The following MCC variants were observed in gnomAD, a reference collection of about 807,000 sequenced individuals.
The protein encoded by MCC is colorectal mutant cancer protein.
Under a neutral mutation model 116.2 loss-of-function variants are expected in MCC, and 90 were observed. The observed-to-expected ratio is 0.77, with a 90% confidence interval of 0.65 to 0.92. The LOEUF is 0.92. MCC is among the 40% of genes least tolerant of loss of function. The pLI, the probability that MCC is intolerant of heterozygous loss-of-function variation, is 0.00. For missense variants in MCC, 1,516 were observed against 1,312.2 expected (o/e 1.16, Z -2.40); for synonymous variants, 578 against 510.5 (o/e 1.13, Z -1.78).
At chr5:113,277,698 G>C (rs1030138814) in intron 3 of MCC, among the ~76,000 whole-genome samples, 7 of 152,174 alleles carry the variant, frequency 4.6e-5, no homozygotes, top group Non-Finnish European at 8.8e-5. Context: ...CCTTTCATCT[G>C]CATTTGAGTA....
At position 113,053,745 on chromosome 5, in the gene MCC, G is replaced by A. The variant is rs1189166120; in HGVS notation, c.2428C>T (p.Gln810Ter). 6.2e-7 allele frequency: 1 copy of A among 1,611,548 alleles called. No individual in the cohort carries two copies. Among genetic ancestry groups the A allele is most frequent in the African/African-American group, 1.3e-5 (1 of 74,980 alleles). ...CATACCTTCATGGCCATGAGCTCCTGCATAAGCACTGCGTTTTCCAGATCC... is the reference window on the plus strand; with the variant it reads ...CATACCTTCATGGCCATGAGCTCCTACATAAGCACTGCGTTTTCCAGATCC... ...RLDLENAVLM[Q>*]ELMAMKEEMA... Residue 810 changes from glutamine to a stop codon, truncating the protein, a stop_gained, in exon 15 of 19, where the codon CAG (glutamine) becomes TAG (stop). Coordinates refer to ENST00000408903, the MANE Select transcript of MCC (RefSeq NM_001085377.2). LOFTEE classifies it high-confidence loss of function.
chr5:113,412,011 C>G (rs1213638554), intron 1 of MCC, among the ~76,000 whole-genome samples: 1 of 152,186 alleles, frequency 6.6e-6, no homozygotes, highest in African/African-American at 2.4e-5. Context: ...TTTCCCAGCA[C>G]CATTCATTAA....
chr5:113,113,221 T>C (rs1027270510), intron 6 of MCC, among the ~76,000 whole-genome samples: 1 of 152,236 alleles, frequency 6.6e-6, no homozygotes, highest in Non-Finnish European at 1.5e-5. Context: ...AAAGGCAAGA[T>C]GTTATATCCC....
intron 3 of MCC, among the ~76,000 whole-genome samples, chr5:113,208,153 G>T (rs1762986032): frequency 6.6e-6 from 1 of 152,076 alleles, no homozygotes; most frequent in Admixed American, 6.5e-5. Context: ...AGCCAAGGTG[G>T]GCTGGCCTGT....
chr5:113,221,782 C>G (rs553789172), intron 3 of MCC, among the ~76,000 whole-genome samples: 1 of 152,142 alleles, frequency 6.6e-6, no homozygotes, highest in African/African-American at 2.4e-5. Context: ...TCAGAACTCC[C>G]GATTCACTGC....
intron 1 of MCC, 33 bp from the exon 2 acceptor site, chr5:113,385,245 T>C: frequency 6.3e-7 from 1 of 1,598,596 alleles, no homozygotes; most frequent in Middle Eastern, 1.7e-4. Context: ...GAAAATGTGT[T>C]ATGAGTGACA....
chr5:113,169,385 A>C (rs970531944), intron 3 of MCC, among the ~76,000 whole-genome samples: 2 of 152,112 alleles, frequency 1.3e-5, no homozygotes, highest in Admixed American at 6.5e-5. Flanking sequence ...TCCTGCACCC[A>C]AATGTGTCAA....
chr5:113,099,466 T>G (rs11960706), intron 8 of MCC, among the ~76,000 whole-genome samples: 82,953 of 152,050 alleles, frequency 0.55, 23,597 homozygotes, highest in African/African-American at 0.71. Context: ...GGTAACTATA[T>G]ATTTTACTCC....
At chr5:113,397,020 G>C (rs1436464737) in intron 1 of MCC, among the ~76,000 whole-genome samples, 1 of 152,104 alleles carries the variant, frequency 6.6e-6, no homozygotes, top group Non-Finnish European at 1.5e-5. Context: ...ATGTTAAAAA[G>C]GGAAACCAGA....
chr5:113,240,090 C>T (rs776402330), intron 3 of MCC, among the ~76,000 whole-genome samples: 17 of 152,214 alleles, frequency 1.1e-4, no homozygotes, highest in Admixed American at 2.0e-4. Context: ...ATACTTTCCA[C>T]ATATGGAATG....
chr5:113,269,150 C>T (rs1765520603), intron 3 of MCC: 1 of 985,090 alleles, frequency 1.0e-6, no homozygotes, highest in Admixed American at 6.2e-5. Context: ...GGAGACAAGG[C>T]AGAATAATTC....
At chr5:113,102,200 C>G (rs1756462211) in intron 7 of MCC, among the ~76,000 whole-genome samples, 1 of 152,190 alleles carries the variant, frequency 6.6e-6, no homozygotes, top group African/African-American at 2.4e-5. Flanking sequence ...GAGTCCTCTC[C>G]TGGCAGCTGA....
At chr5:113,304,041 T>G (rs1766924204) in intron 3 of MCC, among the ~76,000 whole-genome samples, 1 of 152,210 alleles carries the variant, frequency 6.6e-6, no homozygotes, top group African/African-American at 2.4e-5. Context: ...TCTCTACTTG[T>G]ACTTCTGAGC....
rs1286356601 is a variant in MCC, at chr5:113,275,969, TG to T, written c.627+64549del. Among the ~76,000 whole-genome samples, 568 of 138,662 alleles carry T rather than the reference TG, an allele frequency of 4.1e-3. 6 individuals are homozygous for T. The highest frequency in any genetic ancestry group is 0.025 in the Middle Eastern group (7 of 282). The allele number at this position is 138,662 out of a possible 152,430, so 91.0% of individuals were successfully genotyped here. On this transcript the variant is annotated intron_variant, in intron 3 of 18. Coordinates refer to ENST00000408903, the MANE Select transcript of MCC (RefSeq NM_001085377.2). ...ATTCTAAAATTGATTTCACTTGTTT[TG>T]TTTTTTTTTTTTTTTTTTTAAGCAG...
chr5:113,115,767 T>G (rs1015888862), intron 6 of MCC, among the ~76,000 whole-genome samples: 10 of 152,166 alleles, frequency 6.6e-5, no homozygotes, highest in African/African-American at 2.2e-4. Flanking sequence ...TCATTTTACT[T>G]ATTTGACTAT....
At chr5:113,073,839 C>A (rs1226229225) in intron 11 of MCC, among the ~76,000 whole-genome samples, 1 of 152,208 alleles carries the variant, frequency 6.6e-6, no homozygotes, top group Non-Finnish European at 1.5e-5. Flanking sequence ...GGACGGGCGT[C>A]CGCCACTGCT....
At chr5:113,108,331 TA>T (rs56780207) in intron 6 of MCC, among the ~76,000 whole-genome samples, 1,751 of 42,734 alleles carry the variant, frequency 0.041, 68 homozygotes, top group African/African-American at 0.076. Context: ...CACTCTATCT[TA>T]AAAAAAAAAA....
At chr5:113,344,805 T>C (rs558562224) in intron 2 of MCC, among the ~76,000 whole-genome samples, 6 of 152,026 alleles carry the variant, frequency 3.9e-5, no homozygotes, top group Non-Finnish European at 5.9e-5. Context: ...GTACTTGCCG[T>C]GGGCCTTAGG....
At chr5:113,109,825 G>C (rs1052077430) in intron 6 of MCC, among the ~76,000 whole-genome samples, 2 of 152,088 alleles carry the variant, frequency 1.3e-5, no homozygotes, top group South Asian at 4.1e-4. Context: ...AGCAAGAGAA[G>C]GAAGAAAGAG....
Sources: gnomAD v4.1 joint callset for allele counts (sites outside exome capture counted in the v4.1 genomes callset) on GRCh38, gnomAD v4.1.1 for gene constraint, MANE v1.5 for transcripts, NCBI Gene and HGNC (gene_info 2026-07-23, HGNC 2026-07-21) for gene names.